The following TFAP2B variants were observed in gnomAD, a reference collection of about 807,000 sequenced individuals.
TFAP2B encodes transcription factor AP-2 beta.
A neutral mutation model predicts 44.3 loss-of-function variants in TFAP2B; 9 were observed. That is an observed-to-expected ratio of 0.20 (90% CI 0.12 to 0.35). TFAP2B has a LOEUF of 0.35. Ranked by LOEUF, TFAP2B falls within the 10% of genes least tolerant of loss-of-function variation. The pLI, the probability that TFAP2B is intolerant of heterozygous loss-of-function variation, is 1.00. For synonymous variants in TFAP2B, 270 were observed against 263.8 expected, an observed-to-expected ratio of 1.02 and a Z score of -0.23; for missense variants, 509 against 600.0, an observed-to-expected ratio of 0.85 and a Z score of 1.59.
rs1303903695 is a variant in TFAP2B, at chr6:50,846,131, A to G, written c.*2739A>G. The G allele has an allele frequency of 6.6e-6, 1 of 152,654 alleles. No homozygotes were observed. The highest frequency in any genetic ancestry group is 2.4e-5 in the African/African-American group (1 of 41,430). 9.5% of individuals were successfully genotyped at this position (152,654 alleles called of 1,614,324 possible). ...ATTGTCTTACTTGGCAAGGCAGGGT[A>G]CCTTCATTGCCAGACGCCCTCATTT... On this transcript the variant is annotated 3_prime_UTR_variant, in exon 7 of 7. Transcript: ENST00000393655.
Position 50,846,398 on chromosome 6 carries a change from C to T in TFAP2B, c.*3006C>T, listed in dbSNP as rs1426236706. 1 of 152,638 alleles carries T rather than the reference C, an allele frequency of 6.6e-6. No individual in the cohort carries two copies. Among genetic ancestry groups the T allele is most frequent in the Non-Finnish European group, 1.5e-5 (1 of 68,050 alleles). The allele number at this position is 152,638 out of a possible 1,614,324, so 9.5% of individuals were successfully genotyped here. ...TAACGCAATAGTTTGCCTTTTAAGT[C>T]AAGGGAGACGTTTAAGGCAAGCCCC... is the stretch of plus-strand genomic sequence containing the variant. On this transcript the variant is annotated 3_prime_UTR_variant, in exon 7 of 7. Transcript: ENST00000393655.
At chr6:50,842,528 A>G (rs975519833) in intron 6 of TFAP2B, among the ~76,000 whole-genome samples, 5 of 152,182 alleles carry the variant, frequency 3.3e-5, no homozygotes, top group Admixed American at 1.3e-4. Context: ...CCCTCCCCCA[A>G]TACTGCAGGT....
intron 6 of TFAP2B, 81 bp from the exon 7 acceptor site, chr6:50,843,011 G>A: frequency 6.3e-7 from 1 of 1,585,364 alleles, no homozygotes; most frequent in Non-Finnish European, 8.7e-7. Context: ...GCGCCTCTGG[G>A]CTTGTGTGAG....
Position 50,846,375 on chromosome 6 carries a change from A to G in TFAP2B, c.*2983A>G, listed in dbSNP as rs1762849525. 6.6e-6 allele frequency: 1 copy of G among 152,644 alleles called. No homozygotes were observed. The highest frequency in any genetic ancestry group is 2.1e-4 in the South Asian group (1 of 4,832). 9.5% of individuals were successfully genotyped at this position (152,644 alleles called of 1,614,324 possible). A position where few individuals can be genotyped will look rare whatever the true frequency, so the allele number is the denominator to read the frequency against. On this transcript the variant is annotated 3_prime_UTR_variant, in exon 7 of 7. Transcript: ENST00000393655. Reference sequence around the variant, plus strand: ...TATAAATCAATAAACAGTAGGATTAACGCAATAGTTTGCCTTTTAAGTCAA... The same window carrying G: ...TATAAATCAATAAACAGTAGGATTAGCGCAATAGTTTGCCTTTTAAGTCAA...
intron 4 of TFAP2B, among the ~76,000 whole-genome samples, chr6:50,836,719 A>G (rs1477868857): frequency 4.6e-5 from 7 of 151,276 alleles, no homozygotes; most frequent in Non-Finnish European, 1.5e-5. Flanking sequence ...CCTTCAGTGT[A>G]CTCTTTCTCT....
At chr6:50,822,205 C>T (rs1395810141) in intron 1 of TFAP2B, 1 of 1,274,434 alleles carries the variant, frequency 7.8e-7, no homozygotes, top group African/African-American at 1.5e-5. Context: ...GCTCCCTCCT[C>T]TCACTGTCTC....
intron 2 of TFAP2B, among the ~76,000 whole-genome samples, chr6:50,825,813 A>T (rs1770486747): frequency 6.6e-6 from 1 of 152,080 alleles, no homozygotes; most frequent in Non-Finnish European, 1.5e-5. Flanking sequence ...CCCCTGCTTT[A>T]TCTCATTTCG....
chr6:50,838,501 T>C (rs1762666043), intron 5 of TFAP2B, among the ~76,000 whole-genome samples: 1 of 152,170 alleles, frequency 6.6e-6, no homozygotes, highest in Non-Finnish European at 1.5e-5. Flanking sequence ...TGACCCCTAA[T>C]GGTTATTTTA....
At chr6:50,840,323 C>T (rs1363712232) in intron 6 of TFAP2B, 26 bp downstream of exon 6, 8 of 1,611,834 alleles carry the variant, frequency 5.0e-6, no homozygotes, top group Non-Finnish European at 5.9e-6. Context: ...TCTGGGCCCT[C>T]ATCTCACTCC....
At chr6:50,838,156 A>T (rs552659427) in intron 5 of TFAP2B, 63 bp downstream of exon 5, 5 of 1,196,608 alleles carry the variant, frequency 4.2e-6, no homozygotes, top group Non-Finnish European at 3.8e-6. Flanking sequence ...GGAGGCTGAC[A>T]TTTTACACAT....
chr6:50,825,188 T>C (rs372219621), intron 2 of TFAP2B, among the ~76,000 whole-genome samples: 21 of 152,214 alleles, frequency 1.4e-4, no homozygotes, highest in East Asian at 5.8e-4. Context: ...GATTTACTGA[T>C]AGTAATAAGA....
Position 50,828,689 on chromosome 6 carries a change from A to T in TFAP2B, c.601+10A>T, listed in dbSNP as rs1191501261. The T allele has an allele frequency of 2.1e-5, 34 of 1,613,994 alleles. No homozygotes were observed. Among genetic ancestry groups the T allele is most frequent in the Non-Finnish European group, 2.9e-5 (34 of 1,179,928 alleles). On this transcript the variant is annotated intron_variant, in intron 3 of 6. Transcript: ENST00000393655. ...TCTGTCATTAAAAAAGGTATGGATA[A>T]TTCCCCCCAAAAAGTAAGCAAAGTT...
At position 50,823,760 on chromosome 6, in the gene TFAP2B, C is replaced by G; in HGVS notation, c.435C>G (p.Arg145=). Residue 145 remains arginine, a synonymous_variant, in exon 2 of 7, where the codon CGC becomes CGG. Coordinates refer to ENST00000393655, the MANE Select transcript of TFAP2B (RefSeq NM_003221.4). The part of the protein sequence containing the change: ...LDPRRDYHSV[R]RPDVLLHSAH... ...CCCGGAGGGACTACCACTCGGTCCGCCGGCCGGACGTGCTGCTGCATTCGG... is the reference window on the plus strand; with the variant it reads ...CCCGGAGGGACTACCACTCGGTCCGGCGGCCGGACGTGCTGCTGCATTCGG... 1 of 1,603,158 alleles carries G rather than the reference C, an allele frequency of 6.2e-7. No individual in the cohort carries two copies. Among genetic ancestry groups the G allele is most frequent in the Non-Finnish European group, 8.5e-7 (1 of 1,174,810 alleles).
chr6:50,842,425 G>A (rs1762750986), intron 6 of TFAP2B, among the ~76,000 whole-genome samples: 1 of 152,150 alleles, frequency 6.6e-6, no homozygotes, highest in Non-Finnish European at 1.5e-5. Context: ...AACTATATGG[G>A]AATCCTTTTA....
chr6:50,827,930 T>G (rs1770572705), intron 2 of TFAP2B, among the ~76,000 whole-genome samples: 1 of 152,206 alleles, frequency 6.6e-6, no homozygotes, highest in South Asian at 2.1e-4. Context: ...TAGACCTTTG[T>G]GTGTGTCTGC....
At chr6:50,836,509 C>A (rs1484794660) in intron 4 of TFAP2B, among the ~76,000 whole-genome samples, 1 of 152,172 alleles carries the variant, frequency 6.6e-6, no homozygotes, top group Admixed American at 6.5e-5. Context: ...CCAGGCCTGC[C>A]CGCGCCGCGC....
chr6:50,843,538 AGCT>A lies in TFAP2B; in HGVS notation c.*147_*149del. 3 of 910,476 alleles carry A rather than the reference AGCT, an allele frequency of 3.3e-6. No individual in the cohort carries two copies. The highest frequency in any genetic ancestry group is 4.9e-6 in the Non-Finnish European group (3 of 616,120). 56.4% of individuals were successfully genotyped at this position (910,476 alleles called of 1,614,324 possible). ...ATACAATCAAAATTTTAAAAAAAAA[AGCT>A]AAATAACTTAAAAAAAAACTGAGGC... On this transcript the variant is annotated 3_prime_UTR_variant, in exon 7 of 7. Coordinates refer to ENST00000393655, the MANE Select transcript of TFAP2B (RefSeq NM_003221.4).
intron 1 of TFAP2B, among the ~76,000 whole-genome samples, chr6:50,819,782 C>T (rs867713933): frequency 5.9e-5 from 9 of 152,174 alleles, no homozygotes; most frequent in East Asian, 3.9e-4. Flanking sequence ...AGGGCTGACG[C>T]GGCCAGACGG....
intron 1 of TFAP2B, chr6:50,822,084 T>C: frequency 7.7e-7 from 1 of 1,294,450 alleles, no homozygotes; most frequent in Non-Finnish European, 1.0e-6. Context: ...CCTTGATTTT[T>C]TTTTTAATCA....
Sources: gnomAD v4.1 joint callset for allele counts (sites outside exome capture counted in the v4.1 genomes callset) on GRCh38, gnomAD v4.1.1 for gene constraint, MANE v1.5 for transcripts, NCBI Gene and HGNC (gene_info 2026-07-23, HGNC 2026-07-21) for gene names.